ADNP: variants seen among roughly 807,000 people sequenced by gnomAD.
ADNP encodes activity dependent neuroprotector homeobox.
In ADNP, 4 loss-of-function variants were observed where a neutral mutation model predicts 84.9. The observed-to-expected ratio is 0.05, with a 90% confidence interval of 0.02 to 0.11. ADNP has a LOEUF of 0.11. ADNP is among the 10% of genes least tolerant of loss of function. ADNP has a pLI of 1.00. For missense variants in ADNP, 1,132 were observed against 1,326.0 expected (o/e 0.85, Z 2.27); for synonymous variants, 554 against 468.1 (o/e 1.18, Z -2.37).
At position 50,928,762 on chromosome 20, in the gene ADNP, AGTACAACCC is replaced by A. The variant is rs1984451007; in HGVS notation, c.-210_-202del. 6.6e-6 allele frequency: 1 copy of A among 152,256 alleles called. No homozygotes were observed. The highest frequency in any genetic ancestry group is 1.5e-5 in the Non-Finnish European group (1 of 68,052). The allele number at this position is 152,256 out of a possible 1,614,324, so 9.4% of individuals were successfully genotyped here. A position where few individuals can be genotyped will look rare whatever the true frequency, so the allele number is the denominator to read the frequency against. On this transcript the variant is annotated 5_prime_UTR_variant, in exon 2 of 6. Coordinates refer to ENST00000621696, the MANE Select transcript of ADNP (RefSeq NM_001282531.3). ...GGCCACCTATCAGTTCAGTACAAAA[AGTACAACCC>A]TGCGCATCATGGTGTAAAAGCTGGG... is the stretch of plus-strand genomic sequence containing the variant.
At chr20:50,905,198 A>T (rs1191022375) in intron 2 of ADNP, 1 of 152,244 alleles carries the variant, frequency 6.6e-6, no homozygotes, top group East Asian at 1.9e-4. Flanking sequence ...GGCAGCTGAG[A>T]ATATGTATGG....
chr20:50,898,386 G>A lies in ADNP; in HGVS notation c.201+3631C>T, dbSNP rs564089354. On this transcript the variant is annotated intron_variant, in intron 5 of 5. Transcript: ENST00000621696. The stretch of plus-strand genomic sequence containing the variant: ...CTTTTTGCTTTGGGATCATCATGGT[G>A]CTGAGAGGTACACAGCACCGTGTGC... Among the ~76,000 whole-genome samples the A allele has an allele frequency of 1.6e-4, 25 of 152,256 alleles. No individual in the cohort carries two copies. The South Asian group carries it at 5.2e-3, about 32-fold the overall frequency.
rs1980404048 is a variant in ADNP, at chr20:50,889,340, T to C, written c.*2065A>G. On this transcript the variant is annotated 3_prime_UTR_variant, in exon 6 of 6. Coordinates refer to ENST00000621696, the MANE Select transcript of ADNP (RefSeq NM_001282531.3). ...CCAAATAAATGTGAGCTGGCCTAAA[T>C]CCAGCTGGTTATTTCTGATTTGGTA... The C allele has an allele frequency of 6.6e-6, 1 of 152,222 alleles. No homozygotes were observed. Among genetic ancestry groups the C allele is most frequent in the East Asian group, 1.9e-4 (1 of 5,200 alleles). 9.4% of individuals were successfully genotyped at this position (152,222 alleles called of 1,614,324 possible). A position where few individuals can be genotyped will look rare whatever the true frequency, so the allele number is the denominator to read the frequency against.
intron 5 of ADNP, among the ~76,000 whole-genome samples, chr20:50,900,846 G>A (rs556608282): frequency 6.6e-6 from 1 of 152,166 alleles, no homozygotes; most frequent in Admixed American, 6.5e-5. Context: ...AGACTGATTT[G>A]AAAAGTTGGC....
intron 5 of ADNP, 96 bp from the exon 6 acceptor site, chr20:50,894,608 T>C: frequency 1.5e-6 from 2 of 1,363,824 alleles, no homozygotes; most frequent in Non-Finnish European, 2.0e-6. Context: ...AATGCATTGA[T>C]TTTAGGCCGC....
At chr20:50,927,666 G>T (rs753163380) in intron 2 of ADNP, among the ~76,000 whole-genome samples, 2 of 152,072 alleles carry the variant, frequency 1.3e-5, no homozygotes, top group Non-Finnish European at 2.9e-5. Context: ...AAAGTTTTGG[G>T]ATTACAGGCG....
At chr20:50,912,255 T>G (rs775183147) in intron 2 of ADNP, among the ~76,000 whole-genome samples, 1 of 152,150 alleles carries the variant, frequency 6.6e-6, no homozygotes, top group South Asian at 2.1e-4. Flanking sequence ...CCAGCGATTC[T>G]CCCACCTCAG....
chr20:50,918,609 TTAAC>T (rs1249714509), intron 2 of ADNP, among the ~76,000 whole-genome samples: 1 of 152,220 alleles, frequency 6.6e-6, no homozygotes, highest in Admixed American at 6.5e-5. Context: ...TCACTCTGCC[TTAAC>T]TAATAGATTT....
intron 2 of ADNP, among the ~76,000 whole-genome samples, chr20:50,908,774 CAAAAAAAGAA>C (rs1982746017): frequency 6.8e-6 from 1 of 146,248 alleles, no homozygotes; most frequent in Admixed American, 6.8e-5. Context: ...ACTCTGTCTG[CAAAAAAAGAA>C]AAAAAAAGTT....
intron 5 of ADNP, among the ~76,000 whole-genome samples, chr20:50,901,526 C>T (rs914344023): frequency 1.3e-5 from 2 of 152,082 alleles, no homozygotes; most frequent in African/African-American, 4.8e-5. Context: ...TTGATACTTG[C>T]TGGCAGTGCT....
At chr20:50,909,334 GC>G (rs1982799530) in intron 2 of ADNP, among the ~76,000 whole-genome samples, 1 of 114,914 alleles carries the variant, frequency 8.7e-6, no homozygotes, top group East Asian at 2.7e-4. Flanking sequence ...CTGCACTCCA[GC>G]CTGTGGGCGA....
chr20:50,897,826 T>A lies in ADNP; in HGVS notation c.202-3314A>T, dbSNP rs577258792. On this transcript the variant is annotated intron_variant, in intron 5 of 5. Transcript: ENST00000621696. ...ATAAGCAAAAGCTTGAAGGGTATGT[T>A]ATTCTCTCAATACTACTTCTCCACT... 3.9e-5 allele frequency among the ~76,000 whole-genome samples: 6 copies of A among 152,342 alleles called. No homozygotes were observed. The East Asian group carries it at 1.2e-3, about 29-fold the overall frequency.
In ADNP at chr20:50,893,568, T is replaced by C. The variant is rs776769119; in HGVS notation, c.1146A>G (p.Ser382=). Residue 382 remains serine, a synonymous_variant, in exon 6 of 6, where the codon TCA becomes TCG. Transcript: ENST00000621696. The surrounding 1 kb of genome is among the most constrained non-coding windows in gnomAD (Gnocchi z 4.4). ...SGNGRSYGLG[S]EQRSQAPARY... Reference sequence around the variant, plus strand: ...TTGCTGGTGCCTGGGACCTCTGCTCTGACCCAAGCCCATAAGACCTTCCGT... The same window carrying C: ...TTGCTGGTGCCTGGGACCTCTGCTCCGACCCAAGCCCATAAGACCTTCCGT... 1.2e-6 allele frequency: 2 copies of C among 1,614,134 alleles called. No individual in the cohort carries two copies. The highest frequency in any genetic ancestry group is 1.1e-5 in the South Asian group (1 of 91,076).
chr20:50,913,855 T>C (rs1568735490), intron 2 of ADNP: 2 of 565,056 alleles, frequency 3.5e-6, no homozygotes, highest in Non-Finnish European at 6.7e-6. Flanking sequence ...AGAAGTGCAT[T>C]GCATTGGGCA....
intron 5 of ADNP, among the ~76,000 whole-genome samples, chr20:50,898,823 A>G (rs764093219): frequency 3.2e-4 from 49 of 152,230 alleles, no homozygotes; most frequent in Admixed American, 5.2e-4. Context: ...CTGTTTTAAA[A>G]AGTAGGAGTA....
chr20:50,925,096 C>T (rs1356248788), intron 2 of ADNP, among the ~76,000 whole-genome samples: 1 of 152,096 alleles, frequency 6.6e-6, no homozygotes, highest in East Asian at 1.9e-4. Flanking sequence ...TCTCAAGGAA[C>T]TCCTTAAGGC....
In ADNP at chr20:50,928,704, T is replaced by C. The variant is rs974577504; in HGVS notation, c.-143A>G. 1 of 152,194 alleles carries C rather than the reference T, an allele frequency of 6.6e-6. No individual in the cohort carries two copies. The highest frequency in any genetic ancestry group is 2.4e-5 in the African/African-American group (1 of 41,428). 9.4% of individuals were successfully genotyped at this position (152,194 alleles called of 1,614,324 possible). A position where few individuals can be genotyped will look rare whatever the true frequency, so the allele number is the denominator to read the frequency against. On this transcript the variant is annotated 5_prime_UTR_variant, in exon 2 of 6. Coordinates refer to ENST00000621696, the MANE Select transcript of ADNP (RefSeq NM_001282531.3). ...AGCAAGGCAGGAAACGGAGTCCAGA[T>C]CCTCAAAATGGTAGTACAGGGCATA...
chr20:50,919,293 A>G (rs201129472), intron 2 of ADNP, among the ~76,000 whole-genome samples: 41 of 118,134 alleles, frequency 3.5e-4, no homozygotes, highest in East Asian at 1.7e-3. Flanking sequence ...ATTTAAGTGT[A>G]TATATATATA....
chr20:50,891,861 A>G lies in ADNP; in HGVS notation c.2853T>C (p.Asn951=). The change falls in exon 6 of 6, where the codon AAT becomes AAC. Residue 951 remains asparagine (N), a synonymous_variant. Coordinates refer to ENST00000621696, the MANE Select transcript of ADNP (RefSeq NM_001282531.3). ...LTEEPTKLMH[N]ASDSEVDQDD... Reference sequence around the variant, plus strand: ...CTTGGTCAACCTCACTATCAGATGCATTGTGCATTAGTTTGGTTGGTTCCT... The same window carrying G: ...CTTGGTCAACCTCACTATCAGATGCGTTGTGCATTAGTTTGGTTGGTTCCT... 1 of 1,614,202 alleles carries G rather than the reference A, an allele frequency of 6.2e-7. No homozygotes were observed.
Sources: gnomAD v4.1 joint callset for allele counts (sites outside exome capture counted in the v4.1 genomes callset) on GRCh38, gnomAD v4.1.1 for gene constraint, Gnocchi (gnomAD v3.1) non-coding constraint, MANE v1.5 for transcripts, NCBI Gene and HGNC (gene_info 2026-07-23, HGNC 2026-07-21) for gene names.